The following SLC67A1 variants were observed in gnomAD, a reference collection of about 807,000 sequenced individuals.
SLC67A1 encodes the protein solute carrier family 67 member 1, also known as solute carrier family 67 member A1.
chr11:2,914,362 C>T, the SLC67A1 span, among the ~76,000 whole-genome samples: 1 of 152,184 alleles, frequency 6.6e-6, no homozygotes, highest in African/African-American at 2.4e-5. Context: ...AAGGGTGCTT[C>T]CAGTCAATGG....
At chr11:2,909,515 GT>G in the SLC67A1 span, 1 of 1,245,398 alleles carries the variant, frequency 8.0e-7, no homozygotes, top group Non-Finnish European at 1.1e-6. Flanking sequence ...GGAGGGGCGG[GT>G]CAGGGGGGGA....
the SLC67A1 span, among the ~76,000 whole-genome samples, chr11:2,917,722 G>A: frequency 2.0e-4 from 31 of 152,346 alleles, no homozygotes; most frequent in East Asian, 3.9e-4. Flanking sequence ...GTCTACCTGC[G>A]TGCAGAGAAT....
At chr11:2,920,673 G>C in the SLC67A1 span, 23 of 152,566 alleles carry the variant, frequency 1.5e-4, no homozygotes, top group African/African-American at 4.8e-4. Context: ...CTGAGGAGGG[G>C]AAGGAGGGGG....
the SLC67A1 span, among the ~76,000 whole-genome samples, chr11:2,924,344 G>A: frequency 2.0e-5 from 3 of 152,160 alleles, no homozygotes; most frequent in Admixed American, 6.5e-5. The surrounding 1 kb of genome is among the most constrained non-coding windows in gnomAD (Gnocchi z 8.6). Context: ...AGCCCTGTGA[G>A]GGGGAGTTCC....
chr11:2,924,297 G>T, the SLC67A1 span, among the ~76,000 whole-genome samples: 3 of 152,288 alleles, frequency 2.0e-5, no homozygotes, highest in South Asian at 2.1e-4. The surrounding 1 kb of genome is among the most constrained non-coding windows in gnomAD (Gnocchi z 8.6). Context: ...GGAGGGGCAG[G>T]TGGAGGGGCC....
chr11:2,907,354 A>T, the SLC67A1 span, among the ~76,000 whole-genome samples: 1 of 152,186 alleles, frequency 6.6e-6, no homozygotes, highest in Admixed American at 6.5e-5. This position sits in a 1 kb window ranked among gnomAD's most constrained non-coding sequence, Gnocchi z 6.7. Flanking sequence ...TCTGAAACCC[A>T]CGGGGGAGGA....
chr11:2,908,106 T>A, the SLC67A1 span: 1 of 642,582 alleles, frequency 1.6e-6, no homozygotes, highest in Non-Finnish European at 2.8e-6. Context: ...CCCTCGATGG[T>A]CATACTGTGC....
chr11:2,914,533 C>G, the SLC67A1 span: 3 of 169,254 alleles, frequency 1.8e-5, no homozygotes. Context: ...CCAGCAGCCA[C>G]CCACGGCCCC....
chr11:2,909,156 ACCGCCTCCGTGAGGGTCCGACCCGC>A, the SLC67A1 span: 36 of 1,448,242 alleles, frequency 2.5e-5, no homozygotes, highest in South Asian at 3.8e-4. Flanking sequence ...GGGGACACTG[ACCGCCTCCGTGAGGGTCCGACCCGC>A]CCCTCGGCCC....
the SLC67A1 span, among the ~76,000 whole-genome samples, chr11:2,912,509 G>T: frequency 6.6e-6 from 1 of 152,222 alleles, no homozygotes; most frequent in Non-Finnish European, 1.5e-5. Context: ...ACATGTGTGG[G>T]CTTTCCCTCC....
At chr11:2,903,225 C>A in the SLC67A1 span, 1 of 1,513,752 alleles carries the variant, frequency 6.6e-7, no homozygotes, top group East Asian at 2.3e-5. Context: ...CAAGGCCAGG[C>A]GGGTGCTGCC....
At chr11:2,906,846 C>G in the SLC67A1 span, among the ~76,000 whole-genome samples, 1 of 150,632 alleles carries the variant, frequency 6.6e-6, no homozygotes, top group Non-Finnish European at 1.5e-5. Context: ...TACATGTACC[C>G]TAGAACTTAA....
the SLC67A1 span, chr11:2,922,629 C>A: frequency 4.2e-6 from 3 of 709,468 alleles, no homozygotes; most frequent in South Asian, 3.6e-5. Context: ...ATGGGGTGGG[C>A]AGCCTAGGGT....
chr11:2,922,184 T>C, the SLC67A1 span: 5 of 1,613,542 alleles, frequency 3.1e-6, no homozygotes, highest in Non-Finnish European at 4.2e-6. Context: ...CTGGTCTTCA[T>C]CGTGGTGGGC....
At chr11:2,917,973 G>T in the SLC67A1 span, 1 of 1,604,052 alleles carries the variant, frequency 6.2e-7, no homozygotes, top group South Asian at 1.1e-5. Context: ...GGCCTGAATG[G>T]CCTCTCCGTG....
At chr11:2,909,451 G>T in the SLC67A1 span, 4 of 1,437,644 alleles carry the variant, frequency 2.8e-6, no homozygotes, top group South Asian at 5.6e-5. Flanking sequence ...GTGCGCGCGG[G>T]GTCTGGCCCT....
chr11:2,903,547 T>C, the SLC67A1 span: 2 of 1,595,126 alleles, frequency 1.3e-6, no homozygotes, highest in Admixed American at 1.7e-5. Context: ...CTGTTCCTCC[T>C]GCCCTCCATC....
the SLC67A1 span, chr11:2,920,841 G>A: frequency 1.3e-5 from 2 of 152,228 alleles, no homozygotes; most frequent in Non-Finnish European, 2.9e-5. Context: ...TGGTGTCTGA[G>A]TCCTGGATCT....
chr11:2,918,039 G>A, the SLC67A1 span: 960 of 1,613,642 alleles, frequency 5.9e-4, 2 homozygotes, highest in Non-Finnish European at 6.9e-4. Flanking sequence ...TCCCTGCTGC[G>A]GCTGCCAGAC....
Sources: allele counts gnomAD v4.1 joint callset (sites outside exome capture counted in the v4.1 genomes callset), GRCh38; gene constraint gnomAD v4.1.1; non-coding constraint Gnocchi (gnomAD v3.1); transcripts MANE v1.5; gene names NCBI Gene and HGNC (gene_info 2026-07-23, HGNC 2026-07-21).